NCOA7: variants seen among roughly 807,000 people sequenced by gnomAD.
The protein encoded by NCOA7 is nuclear receptor coactivator 7.
In NCOA7, 45 loss-of-function variants were observed where a neutral mutation model predicts 104.3. The observed-to-expected ratio is 0.43, with a 90% CI of 0.34 to 0.55. NCOA7 has a LOEUF of 0.55. Ranked by LOEUF, NCOA7 falls within the 20% of genes least tolerant of loss-of-function variation. NCOA7 has a pLI of 0.02. For missense variants in NCOA7, 1,041 were observed against 1,119.7 expected (o/e 0.93, Z 1.00); for synonymous variants, 398 against 402.3 (o/e 0.99, Z 0.13).
intron 2 of NCOA7, among the ~76,000 whole-genome samples, chr6:125,846,489 A>C (rs960487633): frequency 6.6e-6 from 1 of 152,078 alleles, no homozygotes; most frequent in African/African-American, 2.4e-5. Context: ...TTTACTTAGA[A>C]GTCCCAGGGG....
intron 2 of NCOA7, among the ~76,000 whole-genome samples, chr6:125,824,153 C>T (rs1778446757): frequency 6.6e-6 from 1 of 152,070 alleles, no homozygotes; most frequent in Non-Finnish European, 1.5e-5. Flanking sequence ...AGTGCCTGTT[C>T]AGTAAATATA....
upstream of NCOA7, among the ~76,000 whole-genome samples, chr6:125,787,908 T>G (rs116789803): frequency 6.6e-6 from 1 of 152,202 alleles, no homozygotes; most frequent in African/African-American, 2.4e-5. Flanking sequence ...CCCTATAAAG[T>G]TGGTACTGTT....
chr6:125,879,039 G>T (rs1783609828), intron 5 of NCOA7, among the ~76,000 whole-genome samples: 1 of 151,984 alleles, frequency 6.6e-6, no homozygotes. Flanking sequence ...GAGTTCAGAT[G>T]CAAAAAAAAT....
At chr6:125,879,019 C>T (rs953016043) in intron 5 of NCOA7, among the ~76,000 whole-genome samples, 1 of 152,116 alleles carries the variant, frequency 6.6e-6, no homozygotes, top group African/African-American at 2.4e-5. Context: ...TTACCTAATA[C>T]TTTTTTTAAG....
chr6:125,806,312 G>A (rs773132349), intron 1 of NCOA7, among the ~76,000 whole-genome samples: 1 of 152,100 alleles, frequency 6.6e-6, no homozygotes, highest in Admixed American at 6.6e-5. Flanking sequence ...CTGCACTCCC[G>A]CCTGGATGAC....
At chr6:125,871,793 T>G (rs1782937755) in intron 3 of NCOA7, among the ~76,000 whole-genome samples, 1 of 152,064 alleles carries the variant, frequency 6.6e-6, no homozygotes, top group Non-Finnish European at 1.5e-5. Context: ...CCCAGGAATT[T>G]GAGAACAGCC....
chr6:125,813,553 A>G (rs1777272456), intron 1 of NCOA7, among the ~76,000 whole-genome samples: 1 of 151,216 alleles, frequency 6.6e-6, no homozygotes, highest in Non-Finnish European at 1.5e-5. Flanking sequence ...CCAGGTTCAA[A>G]TGATTCTCCT....
intron 1 of NCOA7, among the ~76,000 whole-genome samples, chr6:125,808,045 T>C (rs1161147445): frequency 2.0e-5 from 3 of 152,220 alleles, no homozygotes; most frequent in Non-Finnish European, 4.4e-5. Context: ...GAATAGCAGC[T>C]ATGTCAGGGA....
chr6:125,835,490 A>T (rs1246588467), intron 2 of NCOA7, among the ~76,000 whole-genome samples: 1 of 152,202 alleles, frequency 6.6e-6, no homozygotes, highest in Non-Finnish European at 1.5e-5. Flanking sequence ...TAATGTCATT[A>T]TGACTCAGTT....
At chr6:125,788,628 C>T (rs111833569), upstream of NCOA7, among the ~76,000 whole-genome samples, 608 of 151,050 alleles carry the variant, frequency 4.0e-3, 7 homozygotes, top group African/African-American at 0.014. Context: ...CTCTGCATCC[C>T]GGTTTCTAGT....
At chr6:125,800,016 A>G (rs1051272019) in intron 1 of NCOA7, among the ~76,000 whole-genome samples, 34 of 152,248 alleles carry the variant, frequency 2.2e-4, no homozygotes, top group African/African-American at 8.2e-4. Flanking sequence ...TTTCATTTCT[A>G]ACATCTGAAA....
At chr6:125,844,612 T>C (rs1354524721) in intron 2 of NCOA7, among the ~76,000 whole-genome samples, 1 of 152,196 alleles carries the variant, frequency 6.6e-6, no homozygotes, top group Non-Finnish European at 1.5e-5. Context: ...TGGAAAACTA[T>C]GAAATGACAA....
At chr6:125,823,494 T>C (rs952012056) in intron 2 of NCOA7, among the ~76,000 whole-genome samples, 3 of 152,212 alleles carry the variant, frequency 2.0e-5, no homozygotes, top group African/African-American at 7.2e-5. Context: ...GTATGAGCCG[T>C]GATGTTAAGG....
intron 10 of NCOA7, among the ~76,000 whole-genome samples, chr6:125,896,039 T>TATATACATAATAC (rs554241549): frequency 4.0e-5 from 6 of 148,182 alleles, no homozygotes; most frequent in Admixed American, 3.4e-4. Flanking sequence ...ATAATACATA[T>TATATACATAATAC]ATATACATAA....
chr6:125,886,515 C>T (rs946518010), intron 8 of NCOA7, among the ~76,000 whole-genome samples: 8 of 152,036 alleles, frequency 5.3e-5, no homozygotes, highest in African/African-American at 1.2e-4. Context: ...TTAATGATCT[C>T]GATTACAAGG....
chr6:125,890,626 T>A lies in NCOA7; in HGVS notation c.1928-16T>A. 1 of 1,597,200 alleles carries A rather than the reference T, an allele frequency of 6.3e-7. No individual in the cohort carries two copies. On this transcript the variant is annotated splice_polypyrimidine_tract_variant and intron_variant, in intron 9 of 15. Coordinates refer to ENST00000392477, the MANE Select transcript of NCOA7 (RefSeq NM_181782.5). ...ATTGTCAATATTGAGGAACAGTTTT[T>A]TCGTGTGTGATTCAGATATACTTCC...
chr6:125,827,179 A>C (rs1778735298), intron 2 of NCOA7, among the ~76,000 whole-genome samples: 1 of 134,770 alleles, frequency 7.4e-6, no homozygotes. Flanking sequence ...CAAGAGTGAA[A>C]CTCCATCTCA....
At chr6:125,886,030 T>C (rs998606613) in intron 8 of NCOA7, among the ~76,000 whole-genome samples, 8 of 152,194 alleles carry the variant, frequency 5.3e-5, no homozygotes, top group African/African-American at 1.9e-4. Flanking sequence ...TGATTTTTAC[T>C]GTCCTTTCGC....
chr6:125,870,474 C>T (rs1488521980), intron 3 of NCOA7, among the ~76,000 whole-genome samples: 1 of 152,140 alleles, frequency 6.6e-6, no homozygotes, highest in Non-Finnish European at 1.5e-5. Flanking sequence ...ATTGCTTTTC[C>T]CCCTTTATAT....
Sources: gnomAD v4.1 joint callset for allele counts (sites outside exome capture counted in the v4.1 genomes callset) on GRCh38, gnomAD v4.1.1 for gene constraint, MANE v1.5 for transcripts, NCBI Gene and HGNC (gene_info 2026-07-23, HGNC 2026-07-21) for gene names.